Variants in GNAQ observed in about 807,000 individuals in gnomAD.
The protein encoded by GNAQ is guanine nucleotide-binding protein G(q) subunit alpha.
A neutral mutation model predicts 43.9 loss-of-function variants in GNAQ; 8 were observed. The ratio of observed to expected loss-of-function variants is 0.18; its 90% confidence interval spans 0.11 to 0.33. GNAQ has a LOEUF of 0.33. Among genes scored for constraint, GNAQ ranks in the 10% least tolerant of loss-of-function variants. The pLI, the probability that GNAQ is intolerant of heterozygous loss-of-function variation, is 1.00. For missense variants in GNAQ, 158 were observed against 450.8 expected (o/e 0.35, Z 5.88); for synonymous variants, 155 against 170.7 (o/e 0.91, Z 0.71).
intron 2 of GNAQ, among the ~76,000 whole-genome samples, chr9:77,861,412 CA>C (rs1331279593): frequency 1.3e-5 from 2 of 152,202 alleles, no homozygotes; most frequent in Non-Finnish European, 2.9e-5. Flanking sequence ...GCCTTCCCAA[CA>C]GTCCCCCAAA....
intron 2 of GNAQ, among the ~76,000 whole-genome samples, chr9:77,828,725 A>C (rs1827247643): frequency 6.6e-6 from 1 of 152,230 alleles, no homozygotes; most frequent in Non-Finnish European, 1.5e-5. Context: ...GTGATCTAAC[A>C]AGACTGAGGA....
At chr9:77,814,671 C>G (rs1826983969) in intron 3 of GNAQ, among the ~76,000 whole-genome samples, 1 of 152,140 alleles carries the variant, frequency 6.6e-6, no homozygotes, top group Non-Finnish European at 1.5e-5. Flanking sequence ...TGATGTCAAG[C>G]AGCCTATCAG....
intron 1 of GNAQ, among the ~76,000 whole-genome samples, chr9:77,930,729 G>A (rs766358525): frequency 5.9e-5 from 9 of 152,146 alleles, no homozygotes; most frequent in Non-Finnish European, 8.8e-5. Flanking sequence ...GGAGTGTTTG[G>A]CCTCAATAGG....
chr9:78,015,703 C>T (rs1823830128), intron 1 of GNAQ, among the ~76,000 whole-genome samples: 1 of 151,214 alleles, frequency 6.6e-6, no homozygotes. Flanking sequence ...GAATAAATAA[C>T]TAAGGTTGAA....
chr9:77,955,898 T>A (rs1450771842), intron 1 of GNAQ, among the ~76,000 whole-genome samples: 1 of 152,176 alleles, frequency 6.6e-6, no homozygotes, highest in African/African-American at 2.4e-5. Flanking sequence ...ATGACAGGAA[T>A]CACTTATTTC....
At chr9:77,790,891 C>T (rs1826559208) in intron 5 of GNAQ, among the ~76,000 whole-genome samples, 1 of 152,158 alleles carries the variant, frequency 6.6e-6, no homozygotes, top group Non-Finnish European at 1.5e-5. Context: ...CTGGTAGATT[C>T]TGATGAGTAG....
At chr9:77,988,997 C>T (rs1823476235) in intron 1 of GNAQ, among the ~76,000 whole-genome samples, 1 of 152,148 alleles carries the variant, frequency 6.6e-6, no homozygotes, top group Admixed American at 6.6e-5. Context: ...TCAATTCAAG[C>T]CCCATGCCAG....
chr9:77,873,615 C>T (rs1337451433), intron 2 of GNAQ, among the ~76,000 whole-genome samples: 2 of 152,102 alleles, frequency 1.3e-5, no homozygotes, highest in African/African-American at 4.8e-5. Flanking sequence ...ACTGGCAGTG[C>T]GTAGCCAGGG....
intron 2 of GNAQ, among the ~76,000 whole-genome samples, chr9:77,904,129 TA>T (rs1828663211): frequency 6.6e-6 from 1 of 152,112 alleles, no homozygotes; most frequent in Non-Finnish European, 1.5e-5. Flanking sequence ...GAACACTTGC[TA>T]GAGCAAGTGT....
chr9:77,735,112 T>A (rs931724258), intron 5 of GNAQ, among the ~76,000 whole-genome samples: 2 of 152,154 alleles, frequency 1.3e-5, no homozygotes, highest in Non-Finnish European at 2.9e-5. Context: ...TGTCAGAATA[T>A]AGGAATTTTA....
intron 1 of GNAQ, among the ~76,000 whole-genome samples, chr9:78,016,501 C>T (rs1823840071): frequency 6.6e-6 from 1 of 152,082 alleles, no homozygotes; most frequent in Non-Finnish European, 1.5e-5. Flanking sequence ...CTGGCTAACA[C>T]AGTGAAGCCC....
intron 5 of GNAQ, among the ~76,000 whole-genome samples, chr9:77,761,949 G>A (rs1221205938): frequency 2.3e-5 from 3 of 129,968 alleles, no homozygotes; most frequent in African/African-American, 5.8e-5. Flanking sequence ...AGGGAGGTGC[G>A]GGGGTCAGCC....
chr9:78,031,167 G>A lies in GNAQ; in HGVS notation c.69C>T (p.Asp23=), dbSNP rs1012464653. Residue 23 remains aspartate (D), a synonymous_variant, in exon 1 of 7, where the codon GAC becomes GAT. Coordinates refer to ENST00000286548, the MANE Select transcript of GNAQ (RefSeq NM_002072.5). The stretch of plus-strand genomic sequence containing the variant: ...CCCTGCGGAGCTGCCGCTCGATCTC[G>A]TCGTTGATCCGCCGGGCTTCCTTGG... ...EEAKEARRIN[D]EIERQLRRDK... The A allele has an allele frequency of 1.9e-6, 3 of 1,557,244 alleles. No homozygotes were observed. Among genetic ancestry groups the A allele is most frequent in the Non-Finnish European group, 1.7e-6 (2 of 1,152,296 alleles).
intron 1 of GNAQ, among the ~76,000 whole-genome samples, chr9:77,968,487 C>T (rs1823196407): frequency 6.6e-6 from 1 of 152,104 alleles, no homozygotes; most frequent in Non-Finnish European, 1.5e-5. Flanking sequence ...AGTTTCCTTC[C>T]TCTTGAACTA....
chr9:77,801,167 A>C (rs1193120746), intron 3 of GNAQ, among the ~76,000 whole-genome samples: 1 of 152,224 alleles, frequency 6.6e-6, no homozygotes, highest in Non-Finnish European at 1.5e-5. Context: ...GAACCAGCAC[A>C]TGAAGTGGGA....
chr9:77,724,195 T>C (rs1242987920), intron 6 of GNAQ, among the ~76,000 whole-genome samples: 1 of 149,956 alleles, frequency 6.7e-6, no homozygotes, highest in Admixed American at 6.7e-5. Flanking sequence ...AATAAGAAAC[T>C]TTTTTTTTTC....
At chr9:77,834,174 A>G (rs775425851) in intron 2 of GNAQ, among the ~76,000 whole-genome samples, 14 of 152,242 alleles carry the variant, frequency 9.2e-5, no homozygotes, top group Non-Finnish European at 1.9e-4. Flanking sequence ...GCTGAAATAC[A>G]GCAGTTTGAG....
At chr9:78,021,109 G>A (rs1333603205) in intron 1 of GNAQ, among the ~76,000 whole-genome samples, 1 of 147,990 alleles carries the variant, frequency 6.8e-6, no homozygotes, top group African/African-American at 2.5e-5. Flanking sequence ...GAGTGCAGTG[G>A]CACGATCACA....
chr9:77,832,935 A>G (rs1827324072), intron 2 of GNAQ, among the ~76,000 whole-genome samples: 1 of 152,148 alleles, frequency 6.6e-6, no homozygotes, highest in Admixed American at 6.5e-5. Flanking sequence ...GACTAACTGC[A>G]GGCCTGAAGG....
Sources: gnomAD v4.1 joint callset for allele counts (sites outside exome capture counted in the v4.1 genomes callset) on GRCh38, gnomAD v4.1.1 for gene constraint, MANE v1.5 for transcripts, NCBI Gene and HGNC (gene_info 2026-07-23, HGNC 2026-07-21) for gene names.